Variants in CCDC171 observed in about 807,000 individuals in gnomAD.
The protein encoded by CCDC171 is coiled-coil domain containing 171.
Under a neutral mutation model 168.2 loss-of-function variants are expected in CCDC171, and 177 were observed. The ratio of observed to expected loss-of-function variants is 1.05; its 90% CI spans 0.93 to 1.19. The LOEUF (loss-of-function observed/expected upper bound fraction) is 1.19, where lower values mean the gene tolerates loss of function less well. CCDC171 is among the 50% of genes most tolerant of loss of function. The probability of loss-of-function intolerance (pLI) is 0.00; values close to 1 mark genes in which losing one functional copy is unlikely to be tolerated. For missense variants in CCDC171, 1,991 were observed against 1,539.0 expected (o/e 1.29, Z -4.91); for synonymous variants, 687 against 540.8 (o/e 1.27, Z -3.75).
At chr9:15,730,388 C>T (rs998194207) in intron 16 of CCDC171, among the ~76,000 whole-genome samples, 11 of 151,872 alleles carry the variant, frequency 7.2e-5, no homozygotes, top group Non-Finnish European at 1.5e-4. Context: ...ATTTTTTCTA[C>T]ACAAATTATC....
chr9:15,938,068 A>G (rs898862170), intron 25 of CCDC171, among the ~76,000 whole-genome samples: 1 of 152,060 alleles, frequency 6.6e-6, no homozygotes, highest in East Asian at 1.9e-4. Flanking sequence ...GATACTGAAG[A>G]GACACTTTAC....
chr9:15,901,589 G>T (rs1821676779), intron 24 of CCDC171, among the ~76,000 whole-genome samples: 1 of 151,944 alleles, frequency 6.6e-6, no homozygotes. Context: ...AACTCACTTT[G>T]TTGACTATAA....
intron 3 of CCDC171, among the ~76,000 whole-genome samples, chr9:16,015,857 A>G (rs918520992): frequency 3.9e-5 from 6 of 152,064 alleles, no homozygotes; most frequent in African/African-American, 1.4e-4. Flanking sequence ...AAATAAGTTG[A>G]CTCCTACAGT....
chr9:16,046,373 G>A (rs1328297), intron 1 of CCDC171, among the ~76,000 whole-genome samples: 142,374 of 152,222 alleles, frequency 0.94, 66,635 homozygotes, highest in Admixed American at 0.96. Context: ...CAGAGCTGTG[G>A]TTGTGTTCCA....
At chr9:15,695,392 C>A in intron 11 of CCDC171, 55 bp downstream of exon 11, 6 of 1,356,106 alleles carry the variant, frequency 4.4e-6, no homozygotes, top group East Asian at 2.3e-5. Context: ...AAAGTCACTA[C>A]ATTTTGGGAA....
chr9:15,723,677 T>A lies in CCDC171; in HGVS notation c.1426-4T>A. The A allele has an allele frequency of 3.1e-6, 5 of 1,590,934 alleles. No homozygotes were observed. Among genetic ancestry groups the A allele is most frequent in the Non-Finnish European group, 4.3e-6 (5 of 1,166,980 alleles). Reference sequence around the variant, plus strand: ...ATCAGCTAAACAGCATGAATGATGTTAAGGAAAAGGCATGTAATGAACTTG... The same window carrying A: ...ATCAGCTAAACAGCATGAATGATGTAAAGGAAAAGGCATGTAATGAACTTG... On this transcript the variant is annotated splice_region_variant and splice_polypyrimidine_tract_variant and intron_variant, in intron 12 of 25. Coordinates refer to ENST00000380701, the MANE Select transcript of CCDC171 (RefSeq NM_173550.4).
chr9:15,679,876 T>A (rs2049920231), intron 10 of CCDC171, among the ~76,000 whole-genome samples: 1 of 152,174 alleles, frequency 6.6e-6, no homozygotes, highest in East Asian at 1.9e-4. Context: ...ATTCTTATTT[T>A]TATTCAGGTT....
At position 15,564,088 on chromosome 9, in the gene CCDC171, C is replaced by T. The variant is rs1215843412; in HGVS notation, c.-1C>T. ...GTATTTTGAAAGAGTTGGAAAACAT[C>T]ATGAATTTGAATACTTCAAGTAATA... On this transcript the variant is annotated 5_prime_UTR_variant, in exon 2 of 26. Transcript: ENST00000380701. 6.2e-7 allele frequency: 1 copy of T among 1,603,652 alleles called. No individual in the cohort carries two copies. Among genetic ancestry groups the T allele is most frequent in the Admixed American group, 1.7e-5 (1 of 58,236 alleles).
intron 24 of CCDC171, among the ~76,000 whole-genome samples, chr9:15,888,708 G>A (rs770214): frequency 0.82 from 124,288 of 151,950 alleles, 51,471 homozygotes; most frequent in East Asian, 0.96. Context: ...CAACAACTCC[G>A]AATGATATAA....
intron 24 of CCDC171, among the ~76,000 whole-genome samples, chr9:15,890,257 C>T (rs1257501840): frequency 6.6e-6 from 1 of 151,926 alleles, no homozygotes; most frequent in Non-Finnish European, 1.5e-5. Flanking sequence ...ATAGGAGAGG[C>T]ATAGATAAAA....
rs1232624668 is a variant in CCDC171, at chr9:16,004,586, C to A, written n.369-16003C>A. ...CCTTGGTGAATTTTCATGGCCTGCA[C>A]ATCGTATGACTCTAGGTGTCCATTT... On this transcript the variant is annotated intron_variant and non_coding_transcript_variant, in intron 3 of 9. Coordinates refer to the CCDC171 transcript ENST00000486641. 2.0e-5 allele frequency among the ~76,000 whole-genome samples: 3 copies of A among 152,114 alleles called. No individual in the cohort carries two copies. In the East Asian group the frequency reaches 5.8e-4, roughly 29 times the overall value.
intron 6 of CCDC171, among the ~76,000 whole-genome samples, chr9:16,033,965 G>A (rs1205509523): frequency 6.6e-6 from 1 of 152,204 alleles, no homozygotes; most frequent in African/African-American, 2.4e-5. Flanking sequence ...CTTCCAGCCT[G>A]AGGCTGCCCC....
chr9:15,680,092 A>G (rs1340208107), intron 10 of CCDC171, among the ~76,000 whole-genome samples: 1 of 152,158 alleles, frequency 6.6e-6, no homozygotes, highest in Non-Finnish European at 1.5e-5. Context: ...CATCTTTATC[A>G]TAATACTCAC....
In CCDC171 at chr9:15,971,760, A is replaced by G. The variant is rs553976823; in HGVS notation, c.3905A>G (p.His1302Arg). The change falls in exon 26 of 26, where the codon CAT becomes CGT. Residue 1302 changes from histidine to arginine, a missense_variant. Physicochemically the swap from His to Arg is conservative, Grantham distance 29. Coordinates refer to ENST00000380701, the MANE Select transcript of CCDC171 (RefSeq NM_173550.4). ...LKETFINTVP[H>R]ALTSSHSSPV... ...GAGACATTTATAAATACTGTGCCCC[A>G]TGCTCTGACATCATCTCACTCCTCT... The G allele has an allele frequency of 6.2e-7, 1 of 1,614,038 alleles. No homozygotes were observed. The highest frequency in any genetic ancestry group is 1.1e-5 in the South Asian group (1 of 91,084).
chr9:15,596,787 T>G (rs2042401615), intron 6 of CCDC171, among the ~76,000 whole-genome samples: 1 of 152,132 alleles, frequency 6.6e-6, no homozygotes, highest in Admixed American at 6.6e-5. Flanking sequence ...GCATGGAATG[T>G]TCTTCCATTT....
rs191256093 is a variant in CCDC171 at position 15,816,038 on chromosome 9, A to G, written c.3268-30664A>G. ...ATTTTCATTTTTGTTAGCCTGAACAACAGAAAATATGTAATAATGTAAAAC... is the reference window on the plus strand; with the variant it reads ...ATTTTCATTTTTGTTAGCCTGAACAGCAGAAAATATGTAATAATGTAAAAC... On this transcript the variant is annotated intron_variant, in intron 21 of 25. Transcript: ENST00000380701. 2.8e-3 allele frequency among the ~76,000 whole-genome samples: 335 copies of G among 118,198 alleles called. 96 individuals are homozygous for G. Among genetic ancestry groups the G allele is most frequent in the Non-Finnish European group, 5.1e-3 (266 of 52,382 alleles). 77.5% of individuals were successfully genotyped at this position (118,198 alleles called of 152,430 possible). A position where few individuals can be genotyped will look rare whatever the true frequency, so the allele number is the denominator to read the frequency against.
At chr9:16,096,489 T>A in the CCDC171 span, among the ~76,000 whole-genome samples, 13 of 152,204 alleles carry the variant, frequency 8.5e-5, no homozygotes, top group Non-Finnish European at 1.9e-4. Context: ...GCAAGCTCTT[T>A]GGTTAGTATG....
intron 9 of CCDC171, among the ~76,000 whole-genome samples, chr9:15,667,120 A>C (rs1043695469): frequency 6.6e-6 from 1 of 152,184 alleles, no homozygotes; most frequent in African/African-American, 2.4e-5. Context: ...TCATCTTCAA[A>C]ATTCTGTGAA....
At chr9:15,567,267 G>T (rs751296243) in intron 2 of CCDC171, among the ~76,000 whole-genome samples, 3 of 152,002 alleles carry the variant, frequency 2.0e-5, no homozygotes, top group Non-Finnish European at 4.4e-5. Context: ...TGATCCACCG[G>T]CCTCAGCCTC....
Sources: allele counts gnomAD v4.1 joint callset (sites outside exome capture counted in the v4.1 genomes callset), GRCh38; gene constraint gnomAD v4.1.1; transcripts MANE v1.5; gene names NCBI Gene and HGNC (gene_info 2026-07-23, HGNC 2026-07-21).